The following ZMYND8 variants were observed in gnomAD, a reference collection of about 807,000 sequenced individuals.
ZMYND8 encodes zinc finger MYND-type containing 8.
ZMYND8 carries 37 observed loss-of-function variants against 140.8 expected under a neutral mutation model. The ratio of observed to expected loss-of-function variants is 0.26; its 90% CI spans 0.20 to 0.35. ZMYND8 has a LOEUF of 0.35. ZMYND8 is among the 10% of genes least tolerant of loss of function. The pLI, the probability that ZMYND8 is intolerant of heterozygous loss-of-function variation, is 1.00. For synonymous variants in ZMYND8, 592 were observed against 597.1 expected (o/e 0.99, Z 0.12); for missense variants, 1,068 against 1,570.0 (o/e 0.68, Z 5.40).
At chr20:47,310,569 G>T (rs757482489) in intron 2 of ZMYND8, among the ~76,000 whole-genome samples, 17 of 151,880 alleles carry the variant, frequency 1.1e-4, no homozygotes, top group Admixed American at 3.3e-4. Context: ...AGGCCAAAGT[G>T]GGCAGATCAC....
chr20:47,356,308 G>A (rs62203065), intron 1 of ZMYND8: 2 of 1,324,090 alleles, frequency 1.5e-6, no homozygotes, highest in Non-Finnish European at 2.0e-6. Flanking sequence ...GAGAGAGAGA[G>A]GGGAAGAGAG....
chr20:47,241,849 G>GCTCT (rs1373447490), intron 14 of ZMYND8, among the ~76,000 whole-genome samples: 6 of 133,552 alleles, frequency 4.5e-5, no homozygotes, highest in Admixed American at 8.0e-5. Flanking sequence ...ATGGAGTCTT[G>GCTCT]CTCTGTCACC....
At position 47,333,724 on chromosome 20, in the gene ZMYND8, C is replaced by CAAA. The variant is rs57968979; in HGVS notation, c.85+14129_85+14131dup. ...CTGGTGACAGAGCGAGACTCCGTCTCAAAAAAAAAAAAAAAAAAAAAAAAA... is the reference window on the plus strand; with the variant it reads ...CTGGTGACAGAGCGAGACTCCGTCTCAAAAAAAAAAAAAAAAAAAAAAAAAAAA... On this transcript the variant is annotated intron_variant, in intron 2 of 22. Coordinates refer to ENST00000471951, the MANE Select transcript of ZMYND8 (RefSeq NM_001281775.3). 4.4e-3 allele frequency among the ~76,000 whole-genome samples: 132 copies of CAAA among 29,760 alleles called. 7 individuals carry two copies. Among genetic ancestry groups the CAAA allele is most frequent in the African/African-American group, 5.9e-3 (54 of 9,078 alleles). The allele number at this position is 29,760 out of a possible 152,430, so 19.5% of individuals were successfully genotyped here. A position where few individuals can be genotyped will look rare whatever the true frequency, so the allele number is the denominator to read the frequency against.
At chr20:47,245,425 T>C (rs994341757) in intron 14 of ZMYND8, among the ~76,000 whole-genome samples, 16 of 152,108 alleles carry the variant, frequency 1.1e-4, no homozygotes, top group Admixed American at 9.8e-4. Flanking sequence ...TTTTGTATTT[T>C]AGTAGAGACA....
At chr20:47,305,266 A>G (rs1242774066) in intron 3 of ZMYND8, among the ~76,000 whole-genome samples, 2 of 150,580 alleles carry the variant, frequency 1.3e-5, no homozygotes, top group South Asian at 2.1e-4. Context: ...CTTTTTTCTG[A>G]GACAGAGTCT....
At chr20:47,213,286 G>A (rs1193600168) in intron 21 of ZMYND8, among the ~76,000 whole-genome samples, 2 of 152,130 alleles carry the variant, frequency 1.3e-5, no homozygotes, top group Non-Finnish European at 2.9e-5. Context: ...TCTGAAATCA[G>A]AGTCAAAAAA....
chr20:47,266,688 C>G (rs1230525699), intron 11 of ZMYND8, among the ~76,000 whole-genome samples: 1 of 152,154 alleles, frequency 6.6e-6, no homozygotes, highest in African/African-American at 2.4e-5. Flanking sequence ...GCACTCATCT[C>G]CACCTCCCCT....
chr20:47,356,583 A>G, intron 1 of ZMYND8, 74 bp downstream of exon 1: 1 of 1,613,992 alleles, frequency 6.2e-7, no homozygotes, highest in Non-Finnish European at 8.5e-7. Context: ...GCCACAGAGA[A>G]ATCACACTGC....
intron 3 of ZMYND8, among the ~76,000 whole-genome samples, chr20:47,300,802 C>T (rs2077967925): frequency 6.6e-6 from 1 of 152,116 alleles, no homozygotes; most frequent in Admixed American, 6.6e-5. Context: ...GCAACCTCCA[C>T]CTCTGAGGCT....
chr20:47,271,063 T>C (rs1423247331), intron 11 of ZMYND8, among the ~76,000 whole-genome samples: 1 of 150,746 alleles, frequency 6.6e-6, no homozygotes. Flanking sequence ...GACGACAGAG[T>C]GAGACTCCGT....
intron 1 of ZMYND8, chr20:47,353,806 G>C (rs2082991191): frequency 6.6e-6 from 1 of 152,338 alleles, no homozygotes; most frequent in African/African-American, 2.4e-5. Flanking sequence ...AAAGAAGGGG[G>C]GTTGGGGGGA....
intron 16 of ZMYND8, among the ~76,000 whole-genome samples, chr20:47,234,311 A>C (rs993749535): frequency 6.6e-6 from 1 of 152,240 alleles, no homozygotes; most frequent in Admixed American, 6.5e-5. Context: ...AGCCTCCCAA[A>C]GTGCTGGGAT....
intron 8 of ZMYND8, 125 bp from the exon 9 acceptor site, chr20:47,283,773 A>C: frequency 1.1e-6 from 1 of 904,250 alleles, no homozygotes; most frequent in Non-Finnish European, 1.7e-6. Context: ...CACCTTGGAG[A>C]TGAATCCAAC....
intron 14 of ZMYND8, among the ~76,000 whole-genome samples, chr20:47,242,744 G>C (rs1413811945): frequency 6.6e-6 from 1 of 152,092 alleles, no homozygotes; most frequent in Non-Finnish European, 1.5e-5. Context: ...TAAGATTCCA[G>C]GCTCAAAATT....
At chr20:47,238,032 T>C (rs1312329019) in intron 15 of ZMYND8, 2 of 152,314 alleles carry the variant, frequency 1.3e-5, no homozygotes, top group Non-Finnish European at 2.9e-5. Flanking sequence ...TCTCGCACTG[T>C]ACTTTTTCCA....
At chr20:47,228,927 T>C (rs189659346) in intron 17 of ZMYND8, among the ~76,000 whole-genome samples, 3 of 152,134 alleles carry the variant, frequency 2.0e-5, no homozygotes, top group African/African-American at 7.2e-5. Context: ...TGATAGGGAA[T>C]TAGCCTAAAG....
At chr20:47,278,097 C>A (rs4558645) in intron 10 of ZMYND8, among the ~76,000 whole-genome samples, 4,713 of 152,200 alleles carry the variant, frequency 0.031, 242 homozygotes, top group African/African-American at 0.11. Context: ...ATCAGCCTCC[C>A]AAGTAGTGGA....
At chr20:47,225,777 G>C (rs966902804) in intron 18 of ZMYND8, among the ~76,000 whole-genome samples, 1 of 151,794 alleles carries the variant, frequency 6.6e-6, no homozygotes, top group Non-Finnish European at 1.5e-5. Context: ...CCAGCCCACA[G>C]GTAATTTTTT....
At chr20:47,329,460 A>G (rs752206101) in intron 2 of ZMYND8, among the ~76,000 whole-genome samples, 4 of 152,018 alleles carry the variant, frequency 2.6e-5, no homozygotes, top group Non-Finnish European at 4.4e-5. Context: ...GCTGGAGTGC[A>G]ATGGCGTGAT....
Sources: gnomAD v4.1 joint callset for allele counts (sites outside exome capture counted in the v4.1 genomes callset) on GRCh38, gnomAD v4.1.1 for gene constraint, MANE v1.5 for transcripts, NCBI Gene and HGNC (gene_info 2026-07-23, HGNC 2026-07-21) for gene names.